DOK5: variants seen among roughly 807,000 people sequenced by gnomAD.
DOK5 encodes downstream of tyrosine kinase 5.
DOK5 carries 27 observed loss-of-function variants against 43.3 expected under a neutral mutation model. That is an observed-to-expected ratio of 0.62 (90% confidence interval 0.46 to 0.86). DOK5 has a LOEUF of 0.86. Ranked by LOEUF, DOK5 falls within the 40% of genes least tolerant of loss-of-function variation. The pLI is 0.00. For missense variants in DOK5, 373 were observed against 392.9 expected (o/e 0.95, Z 0.43); for synonymous variants, 146 against 140.1 (o/e 1.04, Z -0.30).
intron 7 of DOK5, among the ~76,000 whole-genome samples, chr20:54,648,326 G>A (rs2146837255): frequency 6.6e-6 from 1 of 152,264 alleles, no homozygotes; most frequent in South Asian, 2.1e-4. Flanking sequence ...CTAATGGAGA[G>A]TCACAATCCA....
At chr20:54,481,072 T>TATC (rs1288569310) in intron 1 of DOK5, among the ~76,000 whole-genome samples, 2 of 118,718 alleles carry the variant, frequency 1.7e-5, no homozygotes, top group African/African-American at 4.3e-5. Context: ...ATCTATCATC[T>TATC]ATCTATCTAT....
chr20:54,565,249 C>T (rs1985055206), intron 2 of DOK5, among the ~76,000 whole-genome samples: 1 of 152,128 alleles, frequency 6.6e-6, no homozygotes, highest in Admixed American at 6.5e-5. Context: ...ATAAATTAGG[C>T]ACAATAAGAG....
In DOK5 at chr20:54,598,609, C is replaced by A. The variant is rs1323648947; in HGVS notation, c.599+6804C>A. 2.0e-5 allele frequency among the ~76,000 whole-genome samples: 3 copies of A among 152,194 alleles called. No individual in the cohort carries two copies. The East Asian group carries it at 5.8e-4, about 29-fold the overall frequency. On this transcript the variant is annotated intron_variant, in intron 5 of 7. Transcript: ENST00000262593. ...TTAAATTAATACCCTGGGTTTCGCA[C>A]CTGCAGGAGCCAGAGAAGCTCAGGT...
chr20:54,628,016 G>A (rs562917639), intron 6 of DOK5, among the ~76,000 whole-genome samples: 1 of 152,296 alleles, frequency 6.6e-6, no homozygotes, highest in South Asian at 2.1e-4. Context: ...TTCACAGTGA[G>A]ACATACTCAC....
At chr20:54,558,966 T>A (rs1984810840) in intron 2 of DOK5, among the ~76,000 whole-genome samples, 1 of 152,124 alleles carries the variant, frequency 6.6e-6, no homozygotes, top group Admixed American at 6.5e-5. Context: ...AATGCACATA[T>A]AGAACAATTT....
chr20:54,519,410 T>C (rs563546218), intron 1 of DOK5, among the ~76,000 whole-genome samples: 7 of 152,332 alleles, frequency 4.6e-5, no homozygotes, highest in African/African-American at 1.7e-4. Flanking sequence ...ATAATAGTTA[T>C]TGATTCTATT....
intron 5 of DOK5, among the ~76,000 whole-genome samples, chr20:54,602,765 C>T (rs1444181391): frequency 6.6e-6 from 1 of 152,058 alleles, no homozygotes; most frequent in Non-Finnish European, 1.5e-5. Flanking sequence ...ATCTCCACCT[C>T]CCGGGTTCAA....
intron 2 of DOK5, among the ~76,000 whole-genome samples, chr20:54,564,521 A>C (rs534136581): frequency 2.3e-4 from 35 of 152,348 alleles, no homozygotes; most frequent in South Asian, 4.1e-4. Flanking sequence ...ATTTGTGTCT[A>C]TGCCTCCTCT....
chr20:54,618,612 G>A (rs1986889156), intron 6 of DOK5, among the ~76,000 whole-genome samples: 1 of 152,104 alleles, frequency 6.6e-6, no homozygotes, highest in South Asian at 2.1e-4. Flanking sequence ...CAAAGTGCTG[G>A]GACCACAGGC....
chr20:54,611,561 A>C (rs1418483965), intron 6 of DOK5, among the ~76,000 whole-genome samples: 2 of 151,012 alleles, frequency 1.3e-5, no homozygotes, highest in African/African-American at 2.4e-5. Flanking sequence ...ACACTGCCTA[A>C]AAATTTAAAA....
intron 2 of DOK5, among the ~76,000 whole-genome samples, chr20:54,582,114 T>C (rs1600716185): frequency 6.6e-6 from 1 of 151,992 alleles, no homozygotes; most frequent in East Asian, 1.9e-4. Flanking sequence ...CTTTTCTGCA[T>C]CTGTTGAGGT....
intron 1 of DOK5, among the ~76,000 whole-genome samples, chr20:54,523,782 T>G (rs1183607218): frequency 1.7e-4 from 26 of 151,922 alleles, no homozygotes; most frequent in Admixed American, 1.7e-3. Flanking sequence ...AATGTATTTT[T>G]AGTAGAGTTG....
At chr20:54,516,343 A>C (rs1409599563) in intron 1 of DOK5, among the ~76,000 whole-genome samples, 2 of 152,244 alleles carry the variant, frequency 1.3e-5, no homozygotes, top group African/African-American at 4.8e-5. Context: ...AAAACTGAGC[A>C]GTGTTGTTGA....
chr20:54,482,860 CA>C (rs1231102653), intron 1 of DOK5, among the ~76,000 whole-genome samples: 1 of 152,224 alleles, frequency 6.6e-6, no homozygotes, highest in Non-Finnish European at 1.5e-5. Flanking sequence ...CATATGAACT[CA>C]TGCAACTATT....
Position 54,588,822 on chromosome 20 carries a change from TCTCTC to T in DOK5, c.409+22_409+26del. 1 of 1,611,198 alleles carries T rather than the reference TCTCTC, an allele frequency of 6.2e-7. No homozygotes were observed. The highest frequency in any genetic ancestry group is 8.5e-7 in the Non-Finnish European group (1 of 1,178,238). ...GAACAGAGTGGTATGTAAAGAAAAT[TCTCTC>T]CTCTCTCTTTCAAAACTGCTTCTGT... is the stretch of plus-strand genomic sequence containing the variant. On this transcript the variant is annotated intron_variant, in intron 4 of 7. Transcript: ENST00000262593.
At chr20:54,548,286 G>A (rs1266798260) in intron 1 of DOK5, among the ~76,000 whole-genome samples, 1 of 151,548 alleles carries the variant, frequency 6.6e-6, no homozygotes, top group Non-Finnish European at 1.5e-5. Context: ...TGAGGCTGGA[G>A]TACAGTGGCA....
At chr20:54,562,496 G>T (rs1984942859) in intron 2 of DOK5, among the ~76,000 whole-genome samples, 1 of 152,076 alleles carries the variant, frequency 6.6e-6, no homozygotes, top group South Asian at 2.1e-4. Context: ...TTGGCTCATT[G>T]CAACCTCTGC....
At chr20:54,644,226 G>A (rs1979261239) in intron 7 of DOK5, among the ~76,000 whole-genome samples, 1 of 152,190 alleles carries the variant, frequency 6.6e-6, no homozygotes, top group African/African-American at 2.4e-5. Context: ...AGTGGTCTCT[G>A]AAGCATGATG....
At chr20:54,550,787 A>G (rs937070649) in intron 1 of DOK5, among the ~76,000 whole-genome samples, 1 of 152,154 alleles carries the variant, frequency 6.6e-6, no homozygotes, top group African/African-American at 2.4e-5. Context: ...TCGTTTAATC[A>G]TTCACCCACA....
Sources: gnomAD v4.1 joint callset for allele counts (sites outside exome capture counted in the v4.1 genomes callset) on GRCh38, gnomAD v4.1.1 for gene constraint, MANE v1.5 for transcripts, NCBI Gene and HGNC (gene_info 2026-07-23, HGNC 2026-07-21) for gene names.